Variants in CYTH2 observed in about 807,000 individuals in gnomAD.
CYTH2 encodes the protein cytohesin 2, also known as cytohesin-2.
In CYTH2, 24 loss-of-function variants were observed where a neutral mutation model predicts 55.4. That is an observed-to-expected ratio of 0.43 (90% CI 0.31 to 0.61). CYTH2 has a LOEUF of 0.61. Ranked by LOEUF, CYTH2 falls within the 20% of genes least tolerant of loss-of-function variation. The probability of loss-of-function intolerance (pLI) is 0.08; values close to 1 mark genes in which losing one functional copy is unlikely to be tolerated. For synonymous variants in CYTH2, 221 were observed against 209.6 expected (o/e 1.05, Z -0.47); for missense variants, 378 against 533.5 (o/e 0.71, Z 2.87).
In CYTH2 at chr19:48,469,905, A is replaced by G; in HGVS notation, c.19+379A>G. 8.9e-6 allele frequency: 5 copies of G among 564,522 alleles called. 2 individuals are homozygous for G. Among genetic ancestry groups the G allele is most frequent in the South Asian group, 7.7e-5 (5 of 64,924 alleles). 35.0% of individuals were successfully genotyped at this position (564,522 alleles called of 1,614,324 possible). A position where few individuals can be genotyped will look rare whatever the true frequency, so the allele number is the denominator to read the frequency against. ...GCGGGGGCCTTCGATGTCCCGCCCC[A>G]CCTTCCCAACTCTCCTGAGCTGTCA... On this transcript the variant is annotated intron_variant, in intron 1 of 11. Coordinates refer to ENST00000452733, the MANE Select transcript of CYTH2 (RefSeq NM_004228.7).
chr19:48,473,378 GGTGA>G lies in CYTH2; in HGVS notation c.434+6_434+9del, dbSNP rs1971843245. 5 of 1,613,972 alleles carry G rather than the reference GGTGA, an allele frequency of 3.1e-6. No individual in the cohort carries two copies. Among genetic ancestry groups the G allele is most frequent in the Middle Eastern group, 3.3e-4 (2 of 6,060 alleles). Reference sequence around the variant, plus strand: ...GACCTCAATCTGGTGCAGGCCCTCAGGTGAGTGAGGGGGAGGGGTTTGGAACGCC... The same window carrying G: ...GACCTCAATCTGGTGCAGGCCCTCAGGTGAGGGGGAGGGGTTTGGAACGCC... On this transcript the variant is annotated splice_donor_variant and splice_donor_region_variant and intron_variant, in intron 5 of 11. Transcript: ENST00000452733. LOFTEE classifies it high-confidence loss of function.
chr19:48,470,132 G>A, intron 1 of CYTH2: 1 of 749,614 alleles, frequency 1.3e-6, no homozygotes, highest in Non-Finnish European at 2.4e-6. Flanking sequence ...CTCAGACTCA[G>A]GAATCCGGGC....
At chr19:48,470,236 G>A (rs1971762440) in intron 1 of CYTH2, 117 bp from the exon 2 acceptor site, 5 of 1,417,766 alleles carry the variant, frequency 3.5e-6, no homozygotes, top group Non-Finnish European at 4.8e-6. Context: ...CCATTCTTCT[G>A]TGCAGACATA....
At chr19:48,469,685 G>T (rs988168127) in intron 1 of CYTH2, 159 bp downstream of exon 1, 3 of 1,184,876 alleles carry the variant, frequency 2.5e-6, no homozygotes, top group Non-Finnish European at 3.4e-6. Flanking sequence ...CGGGCTTCCG[G>T]CGGGGCCCGA....
At chr19:48,476,515 C>T (rs916631855) in intron 8 of CYTH2, 2 of 152,642 alleles carry the variant, frequency 1.3e-5, no homozygotes, top group African/African-American at 4.8e-5. Flanking sequence ...TCGAGGTGCC[C>T]CTGGCAGTGA....
At chr19:48,477,996 C>CA (rs1971953230) in intron 8 of CYTH2, 73 bp from the exon 9 acceptor site, 5 of 1,279,658 alleles carry the variant, frequency 3.9e-6, no homozygotes, top group Non-Finnish European at 5.6e-6. Flanking sequence ...CTCTGCTTCT[C>CA]ACGCCCCTCC....
In CYTH2 at chr19:48,478,515, G is replaced by A; in HGVS notation, c.1035G>A (p.Val345=). 6.2e-7 allele frequency: 1 copy of A among 1,614,138 alleles called. No homozygotes were observed. Among genetic ancestry groups the A allele is most frequent in the Non-Finnish European group, 8.5e-7 (1 of 1,180,018 alleles). ...KACKTEADGR[V]VEGNHMVYRI... ...GCAAAACTGAGGCGGACGGCCGAGT[G>A]GTGGAGGGAAACCACATGGTGTACC... Residue 345 remains valine (V), a synonymous_variant, in exon 11 of 12, where the codon GTG becomes GTA. Coordinates refer to ENST00000452733, the MANE Select transcript of CYTH2 (RefSeq NM_004228.7).
In CYTH2 at chr19:48,478,154, G is replaced by C. The variant is rs1469963598; in HGVS notation, c.885+9G>C. 1.2e-6 allele frequency: 2 copies of C among 1,613,818 alleles called. No homozygotes were observed. The highest frequency in any genetic ancestry group is 1.7e-5 in the Admixed American group (1 of 60,016). On this transcript the variant is annotated intron_variant, in intron 9 of 11. Transcript: ENST00000452733. ...ACTTTGAGTACACCACGGTGAGCGT[G>C]ACCCGACCCGGGCTCTGGGGTCCTG...
Position 48,481,551 on chromosome 19 carries a change from GC to G in CYTH2, c.*2344del. 5.8e-6 allele frequency: 1 copy of G among 171,778 alleles called. No individual in the cohort carries two copies. The highest frequency in any genetic ancestry group is 1.2e-5 in the Non-Finnish European group (1 of 81,292). 10.6% of individuals were successfully genotyped at this position (171,778 alleles called of 1,614,324 possible). A position where few individuals can be genotyped will look rare whatever the true frequency, so the allele number is the denominator to read the frequency against. ...TTTTTGAGAGGGAGTCTCACTTTGT[GC>G]CCTAGACTGGAGTGCAATGGCGCCA... On this transcript the variant is annotated 3_prime_UTR_variant, in exon 12 of 12. Coordinates refer to ENST00000452733, the MANE Select transcript of CYTH2 (RefSeq NM_004228.7).
At position 48,474,413 on chromosome 19, in the gene CYTH2, C is replaced by A; in HGVS notation, c.696+83C>A. 1 of 1,433,448 alleles carries A rather than the reference C, an allele frequency of 7.0e-7. No homozygotes were observed. Among genetic ancestry groups the A allele is most frequent in the Non-Finnish European group, 9.3e-7 (1 of 1,073,248 alleles). 88.8% of individuals were successfully genotyped at this position (1,433,448 alleles called of 1,614,324 possible). A position where few individuals can be genotyped will look rare whatever the true frequency, so the allele number is the denominator to read the frequency against. On this transcript the variant is annotated intron_variant, in intron 7 of 11. Coordinates refer to ENST00000452733, the MANE Select transcript of CYTH2 (RefSeq NM_004228.7). This position sits in a 1 kb window ranked among gnomAD's most constrained non-coding sequence, Gnocchi z 4.9. Reference sequence around the variant, plus strand: ...GCCCCACCTGTGGTCTCCTAGTGCCCAAGCTGTCTGCCCTCACCCCCAAGA... The same window carrying A: ...GCCCCACCTGTGGTCTCCTAGTGCCAAAGCTGTCTGCCCTCACCCCCAAGA...
chr19:48,470,460 G>T lies in CYTH2; in HGVS notation c.127G>T (p.Ala43Ser). The T allele has an allele frequency of 6.2e-7, 1 of 1,614,148 alleles. No individual in the cohort carries two copies. The highest frequency in any genetic ancestry group is 8.5e-7 in the Non-Finnish European group (1 of 1,180,012). The change falls in exon 2 of 12, where the codon GCC becomes TCC. Residue 43 changes from alanine to serine, a missense_variant. Transcript: ENST00000452733. ...IQRLREELSE[A>S]MSEVEGLEAN... ...GCGCCTGCGGGAGGAGCTCAGTGAAGCCATGAGCGAGGTGGAGGGGCTGGA... is the reference window on the plus strand; with the variant it reads ...GCGCCTGCGGGAGGAGCTCAGTGAATCCATGAGCGAGGTGGAGGGGCTGGA...
chr19:48,469,390 G>C lies in CYTH2; in HGVS notation c.-118G>C. 1 of 1,174,822 alleles carries C rather than the reference G, an allele frequency of 8.5e-7. No individual in the cohort carries two copies. The highest frequency in any genetic ancestry group is 1.1e-6 in the Non-Finnish European group (1 of 909,636). The allele number at this position is 1,174,822 out of a possible 1,614,324, so 72.8% of individuals were successfully genotyped here. On this transcript the variant is annotated 5_prime_UTR_variant, in exon 1 of 12. Transcript: ENST00000452733. ...TTTCAGCGCTGAGGACTGGCGCTGAGGAGGCGGCGGTGGCTCCCGGGGCGT... is the reference window on the plus strand; with the variant it reads ...TTTCAGCGCTGAGGACTGGCGCTGACGAGGCGGCGGTGGCTCCCGGGGCGT...
At chr19:48,475,566 C>G (rs916626760) in intron 8 of CYTH2, 1 of 155,426 alleles carries the variant, frequency 6.4e-6, no homozygotes, top group Admixed American at 6.4e-5. Flanking sequence ...GGGGAGTCTT[C>G]GTCATAACAC....
Position 48,479,396 on chromosome 19 carries a change from AC to A in CYTH2, c.*191del. The A allele has an allele frequency of 3.6e-6, 2 of 553,432 alleles. No homozygotes were observed. Among genetic ancestry groups the A allele is most frequent in the Non-Finnish European group, 6.3e-6 (2 of 319,354 alleles). The allele number at this position is 553,432 out of a possible 1,614,324, so 34.3% of individuals were successfully genotyped here. On this transcript the variant is annotated 3_prime_UTR_variant, in exon 12 of 12. Transcript: ENST00000452733. Reference sequence around the variant, plus strand: ...AATTATTTAACCACTTGGCCTGCTGACCCCCTCATTTCTTGGGGTTGACAGA... The same window carrying A: ...AATTATTTAACCACTTGGCCTGCTGACCCCTCATTTCTTGGGGTTGACAGA...
At chr19:48,469,614 G>GC in intron 1 of CYTH2, 88 bp downstream of exon 1, 1 of 1,311,392 alleles carries the variant, frequency 7.6e-7, no homozygotes, top group Non-Finnish European at 9.8e-7. Flanking sequence ...CCTGGCGCGC[G>GC]GCGCCCAGAA....
intron 2 of CYTH2, 36 bp downstream of exon 2, chr19:48,470,536 G>C: frequency 2.5e-6 from 4 of 1,613,972 alleles, no homozygotes; most frequent in Non-Finnish European, 3.4e-6. Flanking sequence ...GGGGCGTGGG[G>C]TTGGCTGAGG....
In CYTH2 at chr19:48,480,683, C is replaced by A. The variant is rs1375805774; in HGVS notation, c.*1473C>A. 1 of 152,202 alleles carries A rather than the reference C, an allele frequency of 6.6e-6. No individual in the cohort carries two copies. The highest frequency in any genetic ancestry group is 6.5e-5 in the Admixed American group (1 of 15,276). The allele number at this position is 152,202 out of a possible 1,614,324, so 9.4% of individuals were successfully genotyped here. On this transcript the variant is annotated 3_prime_UTR_variant, in exon 12 of 12. Transcript: ENST00000452733. ...TAGAGGAGGCTTTGACCGCCGCGGC[C>A]CCGGGGGCTGGTGGGAAATGGAGTT...
rs370170964 is a variant in CYTH2 at position 48,478,403 on chromosome 19, G to T, written c.958-35G>T. On this transcript the variant is annotated intron_variant, in intron 10 of 11. Coordinates refer to ENST00000452733, the MANE Select transcript of CYTH2 (RefSeq NM_004228.7). ...GGCGGGGCCTCCTCTGCCCAGGGCT[G>T]GTTCTTACCTGCGCCCTTCCTCTCT... 1.7e-5 allele frequency: 27 copies of T among 1,613,254 alleles called. No individual in the cohort carries two copies. In the African/African-American group the frequency reaches 3.1e-4, roughly 18 times the overall value.
rs1272050157 is a variant in CYTH2, at chr19:48,481,556, A to C, written c.*2346A>C. On this transcript the variant is annotated 3_prime_UTR_variant, in exon 12 of 12. Transcript: ENST00000452733. ...GAGAGGGAGTCTCACTTTGTGCCCTAGACTGGAGTGCAATGGCGCCATCTC... is the reference window on the plus strand; with the variant it reads ...GAGAGGGAGTCTCACTTTGTGCCCTCGACTGGAGTGCAATGGCGCCATCTC... 5.9e-6 allele frequency: 1 copy of C among 168,070 alleles called. No homozygotes were observed. The highest frequency in any genetic ancestry group is 1.3e-5 in the Non-Finnish European group (1 of 78,836). 10.4% of individuals were successfully genotyped at this position (168,070 alleles called of 1,614,324 possible).
Sources: allele counts gnomAD v4.1 joint callset, GRCh38; gene constraint gnomAD v4.1.1; non-coding constraint Gnocchi (gnomAD v3.1); transcripts MANE v1.5; gene names NCBI Gene and HGNC (gene_info 2026-07-23, HGNC 2026-07-21).